MROH2A: variants seen among roughly 807,000 people sequenced by gnomAD.
MROH2A encodes the protein maestro heat-like repeat-containing protein family member 2A.
MROH2A carries 174 observed loss-of-function variants against 200.4 expected under a neutral mutation model. The ratio of observed to expected loss-of-function variants is 0.87; its 90% confidence interval spans 0.77 to 0.98. The LOEUF (loss-of-function observed/expected upper bound fraction) is 0.98, where lower values mean the gene tolerates loss of function less well. MROH2A is among the 50% of genes least tolerant of loss of function. The pLI, the probability that MROH2A is intolerant of heterozygous loss-of-function variation, is 0.00. For synonymous variants in MROH2A, 829 were observed against 840.4 expected (o/e 0.99, Z 0.23); for missense variants, 2,045 against 2,139.6 (o/e 0.96, Z 0.87).
rs2124941420 is a variant in MROH2A, at chr2:233,832,753, T to G, written c.4903+109T>G. 5 of 603,400 alleles carry G rather than the reference T, an allele frequency of 8.3e-6. No individual in the cohort carries two copies. In the East Asian group the frequency reaches 1.2e-4, roughly 15 times the overall value. The allele number at this position is 603,400 out of a possible 1,614,324, so 37.4% of individuals were successfully genotyped here. On this transcript the variant is annotated intron_variant, in intron 41 of 41. Transcript: ENST00000389758. ...GCCAGAGGACCCTTTGCTGTGGGGT[T>G]TCGGGGGGGTGGGAGTGCAACCAGG... is the stretch of plus-strand genomic sequence containing the variant.
intron 26 of MROH2A, among the ~76,000 whole-genome samples, chr2:233,815,697 C>G (rs780234540): frequency 4.6e-5 from 7 of 152,144 alleles, no homozygotes; most frequent in Non-Finnish European, 7.4e-5. Flanking sequence ...AAATCAAAGG[C>G]TATGTACGTG....
intron 1 of MROH2A, among the ~76,000 whole-genome samples, chr2:233,778,890 C>T (rs1004260172): frequency 6.6e-6 from 1 of 152,130 alleles, no homozygotes; most frequent in African/African-American, 2.4e-5. Context: ...CATGGCTTTC[C>T]TTGGTCCTTT....
intron 22 of MROH2A, among the ~76,000 whole-genome samples, chr2:233,810,398 T>C (rs546752754): frequency 2.6e-5 from 4 of 152,280 alleles, no homozygotes; most frequent in Admixed American, 1.3e-4. Context: ...ACCCATCAGA[T>C]CTTGTGAGAC....
chr2:233,819,597 AGAG>A, intron 30 of MROH2A, 128 bp downstream of exon 30: 2 of 1,042,998 alleles, frequency 1.9e-6, no homozygotes, highest in Non-Finnish European at 1.4e-6. Flanking sequence ...TGGCTGCTAA[AGAG>A]GAGGAGGAAA....
chr2:233,779,921 A>G (rs1419457598), intron 3 of MROH2A, 69 bp downstream of exon 3: 26 of 1,260,288 alleles, frequency 2.1e-5, no homozygotes, highest in Non-Finnish European at 2.9e-5. Context: ...CACCCAGCAC[A>G]TAGTTACTGA....
At chr2:233,817,905 G>T (rs1703649594) in intron 27 of MROH2A, 97 bp from the exon 28 acceptor site, 1 of 1,442,648 alleles carries the variant, frequency 6.9e-7, no homozygotes, top group Non-Finnish European at 9.4e-7. Flanking sequence ...TCAGAGCAGG[G>T]TTTGCCCTAT....
intron 29 of MROH2A, among the ~76,000 whole-genome samples, chr2:233,818,995 G>C (rs1006777232): frequency 1.3e-5 from 2 of 152,242 alleles, no homozygotes; most frequent in African/African-American, 4.8e-5. Context: ...CTGCTTTGCT[G>C]TCTTCTCCCT....
At chr2:233,810,274 G>C (rs1703072522) in intron 22 of MROH2A, among the ~76,000 whole-genome samples, 1 of 152,224 alleles carries the variant, frequency 6.6e-6, no homozygotes, top group African/African-American at 2.4e-5. Context: ...CTTGGACTTA[G>C]AGTTCCACAT....
At chr2:233,818,889 TCCACGG>T (rs1459965854) in intron 29 of MROH2A, 119 bp downstream of exon 29, 1 of 649,602 alleles carries the variant, frequency 1.5e-6, no homozygotes, top group African/African-American at 1.8e-5. Context: ...GGTCTCAGCT[TCCACGG>T]CCTTTGGCCC....
At chr2:233,777,255 G>A (rs192702999), upstream of MROH2A, among the ~76,000 whole-genome samples, 157 of 152,342 alleles carry the variant, frequency 1.0e-3, no homozygotes, top group African/African-American at 3.6e-3. Context: ...GGACAGAGAT[G>A]TGTTCCACCT....
chr2:233,779,279 G>T lies in MROH2A; in HGVS notation c.-14-66G>T, dbSNP rs1357480228. 8 of 975,402 alleles carry T rather than the reference G, an allele frequency of 8.2e-6. No homozygotes were observed. In the Admixed American group the frequency reaches 1.4e-4, roughly 17 times the overall value. The allele number at this position is 975,402 out of a possible 1,614,324, so 60.4% of individuals were successfully genotyped here. A position where few individuals can be genotyped will look rare whatever the true frequency, so the allele number is the denominator to read the frequency against. ...GGGATGGCTTTATGGAAGGGTGTGGGTCGTTGGGGTCATCTTAAGGTGTGT... is the reference window on the plus strand; with the variant it reads ...GGGATGGCTTTATGGAAGGGTGTGGTTCGTTGGGGTCATCTTAAGGTGTGT... On this transcript the variant is annotated intron_variant, in intron 1 of 41. Transcript: ENST00000389758.
chr2:233,806,699 T>A (rs566176162), intron 19 of MROH2A, among the ~76,000 whole-genome samples: 1 of 152,286 alleles, frequency 6.6e-6, no homozygotes, highest in South Asian at 2.1e-4. Flanking sequence ...ACACAGAAGT[T>A]GAACAAACTT....
intron 16 of MROH2A, 74 bp from the exon 17 acceptor site, chr2:233,803,977 A>G: frequency 6.6e-7 from 1 of 1,508,080 alleles, no homozygotes; most frequent in Non-Finnish European, 8.9e-7. Flanking sequence ...CCCTTTAAAA[A>G]TGAGGACAAA....
At chr2:233,785,661 T>C (rs1701169938) in intron 3 of MROH2A, among the ~76,000 whole-genome samples, 1 of 151,928 alleles carries the variant, frequency 6.6e-6, no homozygotes, top group Non-Finnish European at 1.5e-5. Context: ...TAAGAAGGCT[T>C]AGAATTAGCT....
chr2:233,816,044 A>T (rs1053554921), intron 26 of MROH2A, among the ~76,000 whole-genome samples: 1 of 152,158 alleles, frequency 6.6e-6, no homozygotes, highest in African/African-American at 2.4e-5. Flanking sequence ...TTCTCTGATG[A>T]CATACTTAAA....
intron 7 of MROH2A, 131 bp downstream of exon 7, chr2:233,793,955 C>A: frequency 1.1e-6 from 1 of 922,926 alleles, no homozygotes; most frequent in Non-Finnish European, 1.5e-6. Flanking sequence ...AGTGACCTGA[C>A]TCATGGCAGA....
intron 5 of MROH2A, among the ~76,000 whole-genome samples, chr2:233,791,341 T>C (rs1345449791): frequency 6.6e-6 from 1 of 152,086 alleles, no homozygotes; most frequent in African/African-American, 2.4e-5. Flanking sequence ...GAAGGGGCTC[T>C]GAGACGGGAC....
chr2:233,801,788 C>G (rs1447097476), intron 14 of MROH2A, among the ~76,000 whole-genome samples: 2 of 152,178 alleles, frequency 1.3e-5, no homozygotes, highest in East Asian at 3.9e-4. Flanking sequence ...CAAAACTGAC[C>G]GTCATACCAG....
chr2:233,794,479 C>A lies in MROH2A; in HGVS notation c.939C>A (p.Gly313=). The A allele has an allele frequency of 6.5e-7, 1 of 1,546,526 alleles. No homozygotes were observed. Among genetic ancestry groups the A allele is most frequent in the Non-Finnish European group, 8.7e-7 (1 of 1,143,270 alleles). The part of the protein sequence containing the change: ...YIPLLLAEYQ[G]SLEVLFVTQV... ...CCCTGCTGCTGGCGGAGTACCAGGGCAGTCTGGAGGTGCTCTTCGTCACGC... is the reference window on the plus strand; with the variant it reads ...CCCTGCTGCTGGCGGAGTACCAGGGAAGTCTGGAGGTGCTCTTCGTCACGC... Residue 313 remains glycine (G), a synonymous_variant, in exon 8 of 42, where the codon GGC becomes GGA. Coordinates refer to ENST00000389758, the MANE Select transcript of MROH2A (RefSeq NM_001394639.1).
Sources: allele counts gnomAD v4.1 joint callset (sites outside exome capture counted in the v4.1 genomes callset), GRCh38; gene constraint gnomAD v4.1.1; transcripts MANE v1.5; gene names NCBI Gene and HGNC (gene_info 2026-07-23, HGNC 2026-07-21).